ADCY5: variants seen among roughly 807,000 people sequenced by gnomAD.
ADCY5 encodes the protein adenylate cyclase type 5.
A neutral mutation model predicts 119.7 loss-of-function variants in ADCY5; 30 were observed. That is an observed-to-expected ratio of 0.25 (90% CI 0.19 to 0.34). ADCY5 has a LOEUF of 0.34. Among genes scored for constraint, ADCY5 ranks in the 10% least tolerant of loss-of-function variants. The probability of loss-of-function intolerance (pLI) is 1.00; values close to 1 mark genes in which losing one functional copy is unlikely to be tolerated. For synonymous variants in ADCY5, 753 were observed against 762.2 expected (o/e 0.99, Z 0.20); for missense variants, 1,324 against 1,775.2 (o/e 0.75, Z 4.57).
At chr3:123,353,096 T>C (rs888321700) in intron 1 of ADCY5, among the ~76,000 whole-genome samples, 2 of 152,182 alleles carry the variant, frequency 1.3e-5, no homozygotes, top group Non-Finnish European at 2.9e-5. Flanking sequence ...AGGGCAAGGC[T>C]GGCCAGTCGG....
intron 1 of ADCY5, among the ~76,000 whole-genome samples, chr3:123,428,130 T>G (rs1412680820): frequency 6.6e-6 from 1 of 152,230 alleles, no homozygotes; most frequent in Non-Finnish European, 1.5e-5. Flanking sequence ...GACTCTCTGC[T>G]TCTCCAGGTT....
intron 1 of ADCY5, among the ~76,000 whole-genome samples, chr3:123,415,878 G>C (rs923659522): frequency 2.6e-5 from 4 of 152,122 alleles, no homozygotes; most frequent in African/African-American, 4.8e-5. Context: ...GGGGTAAATG[G>C]ACATGATGGC....
At chr3:123,439,524 G>A (rs1053130213) in intron 1 of ADCY5, among the ~76,000 whole-genome samples, 30 of 152,242 alleles carry the variant, frequency 2.0e-4, no homozygotes, top group African/African-American at 7.2e-4. Context: ...ATTAATTATT[G>A]TTAATCTCTT....
chr3:123,417,983 C>T (rs1019180053), intron 1 of ADCY5, among the ~76,000 whole-genome samples: 1 of 152,206 alleles, frequency 6.6e-6, no homozygotes, highest in Non-Finnish European at 1.5e-5. Flanking sequence ...AACAATTCTG[C>T]AGTCAAGGAA....
chr3:123,332,596 C>G lies in ADCY5; in HGVS notation c.1486G>C (p.Glu496Gln). The change falls in exon 4 of 21, where the codon GAG becomes CAG. Residue 496 changes from glutamate to glutamine, a missense_variant. By Grantham distance (29) the Glu-to-Gln change is conservative. Around this residue, in one of 6 missense-constraint regions of ADCY5, gnomAD observed 123 missense variants for 287.9 expected, o/e 0.43. Coordinates refer to ENST00000462833, the MANE Select transcript of ADCY5 (RefSeq NM_183357.3). ...TAQELVMTLN[E>Q]LFARFDKLAA... is the part of the protein sequence containing the mutation. ...AGCTTGTCAAAGCGGGCGAAGAGCT[C>G]GTTGAGGGTCATGACCAGTTCCTGT... 1 of 1,613,692 alleles carries G rather than the reference C, an allele frequency of 6.2e-7. No individual in the cohort carries two copies. Among genetic ancestry groups the G allele is most frequent in the Non-Finnish European group, 8.5e-7 (1 of 1,179,838 alleles).
chr3:123,347,015 G>A (rs991224514), intron 3 of ADCY5, among the ~76,000 whole-genome samples: 31 of 152,304 alleles, frequency 2.0e-4, no homozygotes, highest in Middle Eastern at 3.4e-3. Flanking sequence ...TGAAAGGAGC[G>A]TGGGCTCTGG....
rs181246840 is a variant in ADCY5, at chr3:123,323,769, C to T, written c.2088+1553G>A. The stretch of plus-strand genomic sequence containing the variant: ...CAACCTCCTGGGCTCAAGTGATCCT[C>T]CTGCCTCAGCCTCCCGAGTAGCTAG... On this transcript the variant is annotated intron_variant, in intron 8 of 20. Coordinates refer to ENST00000462833, the MANE Select transcript of ADCY5 (RefSeq NM_183357.3). Among the ~76,000 whole-genome samples, 8 of 152,310 alleles carry T rather than the reference C, an allele frequency of 5.3e-5. No homozygotes were observed. The East Asian group carries it at 1.5e-3, about 29-fold the overall frequency.
At chr3:123,320,210 A>G (rs568894459) in intron 9 of ADCY5, among the ~76,000 whole-genome samples, 216 of 152,318 alleles carry the variant, frequency 1.4e-3, no homozygotes, top group African/African-American at 5.1e-3. Flanking sequence ...TCAGGCAGTG[A>G]GAGTTTCTGC....
At chr3:123,419,053 G>T (rs77022030) in intron 1 of ADCY5, 1 of 768,746 alleles carries the variant, frequency 1.3e-6, no homozygotes, top group Non-Finnish European at 1.6e-6. Context: ...CTCAGTCTCC[G>T]TAACGGCATG....
chr3:123,326,734 G>A (rs1200696291), intron 7 of ADCY5, among the ~76,000 whole-genome samples: 2 of 152,198 alleles, frequency 1.3e-5, no homozygotes, highest in East Asian at 3.9e-4. Context: ...CTCCCATGAA[G>A]GGCCCCCGAG....
chr3:123,430,017 T>C (rs914352025), intron 1 of ADCY5, among the ~76,000 whole-genome samples: 2 of 152,048 alleles, frequency 1.3e-5, no homozygotes, highest in Non-Finnish European at 2.9e-5. Context: ...CGACAAAGCA[T>C]GCAGGTCAGC....
chr3:123,306,647 T>G (rs1940214350), intron 12 of ADCY5, among the ~76,000 whole-genome samples: 3 of 152,220 alleles, frequency 2.0e-5, no homozygotes, highest in Admixed American at 2.0e-4. Context: ...CTGGTGGGAA[T>G]GTAAAATGGG....
intron 15 of ADCY5, among the ~76,000 whole-genome samples, chr3:123,297,660 CT>C (rs1426675574): frequency 7.2e-5 from 11 of 152,212 alleles, no homozygotes; most frequent in Non-Finnish European, 1.6e-4. Context: ...GGGTGGAGGC[CT>C]GCCCGCCTCT....
intron 1 of ADCY5, among the ~76,000 whole-genome samples, chr3:123,414,596 G>A (rs1197355908): frequency 1.3e-5 from 2 of 152,032 alleles, no homozygotes; most frequent in African/African-American, 4.8e-5. Context: ...TGGCTGTGTC[G>A]CCCAGGCTGG....
At chr3:123,393,388 T>A (rs1944449976) in intron 1 of ADCY5, among the ~76,000 whole-genome samples, 1 of 150,544 alleles carries the variant, frequency 6.6e-6, no homozygotes. Flanking sequence ...TCTGATTCCA[T>A]AAAAAAAAAT....
chr3:123,372,453 T>C (rs1943673929), intron 1 of ADCY5, among the ~76,000 whole-genome samples: 1 of 151,980 alleles, frequency 6.6e-6, no homozygotes, highest in East Asian at 1.9e-4. Context: ...TAGGAGAGTG[T>C]CCCTTTTCCT....
intron 12 of ADCY5, among the ~76,000 whole-genome samples, chr3:123,313,021 A>G (rs1157455263): frequency 7.2e-6 from 1 of 139,494 alleles, no homozygotes; most frequent in African/African-American, 3.3e-5. Flanking sequence ...GGAACCAGCT[A>G]ACGTTAAGCC....
At chr3:123,348,751 C>T (rs1031886707) in intron 2 of ADCY5, among the ~76,000 whole-genome samples, 11 of 152,186 alleles carry the variant, frequency 7.2e-5, no homozygotes, top group South Asian at 4.1e-4. Context: ...GCTCCTCTCC[C>T]GGGCCTGCCC....
intron 1 of ADCY5, among the ~76,000 whole-genome samples, chr3:123,416,870 G>A (rs902735769): frequency 3.9e-5 from 6 of 152,108 alleles, no homozygotes; most frequent in African/African-American, 1.4e-4. Flanking sequence ...ATAAGATTGG[G>A]ACCCTCATCT....
Sources: gnomAD v4.1 joint callset for allele counts (sites outside exome capture counted in the v4.1 genomes callset) on GRCh38, gnomAD v4.1.1 for gene constraint, gnomAD v4.1.1 regional missense constraint, MANE v1.5 for transcripts, NCBI Gene and HGNC (gene_info 2026-07-23, HGNC 2026-07-21) for gene names.